Variants in BORCS8 observed in about 807,000 individuals in gnomAD.
BORCS8 encodes BLOC-1 related complex subunit 8.
BORCS8 carries 13 observed loss-of-function variants against 18.7 expected under a neutral mutation model. That is an observed-to-expected ratio of 0.70 (90% CI 0.45 to 1.11). The LOEUF is 1.11. BORCS8 is among the 50% of genes least tolerant of loss of function. The pLI, the probability that BORCS8 is intolerant of heterozygous loss-of-function variation, is 0.00. For missense variants in BORCS8, 165 were observed against 165.7 expected (o/e 1.00, Z 0.02); for synonymous variants, 68 against 64.8 (o/e 1.05, Z -0.24).
In BORCS8 at chr19:19,191,960, G is replaced by A. The variant is rs549499644; in HGVS notation, c.37+121C>T. Reference sequence around the variant, plus strand: ...GGTTTCAAAACTAGTCAGCGGCAGAGCTGGGATTGGACGGCAGTTCAATCA... The same window carrying A: ...GGTTTCAAAACTAGTCAGCGGCAGAACTGGGATTGGACGGCAGTTCAATCA... On this transcript the variant is annotated intron_variant, in intron 1 of 5. Coordinates refer to ENST00000462790, the MANE Select transcript of BORCS8 (RefSeq NM_001145784.2). 1.5e-5 allele frequency: 18 copies of A among 1,204,326 alleles called. No homozygotes were observed. The South Asian group carries it at 2.1e-4, about 14-fold the overall frequency. 74.6% of individuals were successfully genotyped at this position (1,204,326 alleles called of 1,614,324 possible). A position where few individuals can be genotyped will look rare whatever the true frequency, so the allele number is the denominator to read the frequency against.
At chr19:19,179,071 A>G (rs986166263) in intron 5 of BORCS8, 1 of 152,910 alleles carries the variant, frequency 6.5e-6, no homozygotes. Context: ...GACACAGAGC[A>G]ATCCTGCCGG....
At chr19:19,188,318 G>A (rs1364188515) in intron 1 of BORCS8, among the ~76,000 whole-genome samples, 2 of 151,922 alleles carry the variant, frequency 1.3e-5, no homozygotes, top group Non-Finnish European at 2.9e-5. Flanking sequence ...ATGAGCCACC[G>A]CGCCCGGCTC....
intron 3 of BORCS8, among the ~76,000 whole-genome samples, chr19:19,185,137 G>A (rs1306847269): frequency 6.6e-6 from 1 of 152,234 alleles, no homozygotes; most frequent in Non-Finnish European, 1.5e-5. Context: ...GCAGAATACT[G>A]CCCCAGCAGC....
chr19:19,184,762 G>A (rs1409533433), intron 3 of BORCS8, among the ~76,000 whole-genome samples: 1 of 152,012 alleles, frequency 6.6e-6, no homozygotes, highest in Non-Finnish European at 1.5e-5. Flanking sequence ...ACCAGGCTCG[G>A]CTAGTTTTTG....
At chr19:19,180,933 G>A (rs953885645) in intron 4 of BORCS8, among the ~76,000 whole-genome samples, 172 bp from the exon 5 acceptor site, 11 of 152,172 alleles carry the variant, frequency 7.2e-5, no homozygotes, top group Non-Finnish European at 1.0e-4. Flanking sequence ...GGTGGCTCAC[G>A]CCTGTAATCC....
At chr19:19,185,960 T>A in intron 3 of BORCS8, 74 bp downstream of exon 3, 1 of 1,458,106 alleles carries the variant, frequency 6.9e-7, no homozygotes. Flanking sequence ...GGCAGTTGGC[T>A]GGGATGCCCC....
chr19:19,191,464 CCTGGGCGA>C (rs953647167), intron 1 of BORCS8, among the ~76,000 whole-genome samples: 17 of 150,634 alleles, frequency 1.1e-4, no homozygotes, highest in African/African-American at 4.2e-4. Context: ...CGCACCCCAG[CCTGGGCGA>C]CAGTGTGATA....
chr19:19,186,546 G>A (rs66764858), intron 2 of BORCS8, among the ~76,000 whole-genome samples: 21,976 of 152,016 alleles, frequency 0.14, 1,801 homozygotes, highest in East Asian at 0.37. Flanking sequence ...TTTTAATAAG[G>A]GGCCTCCCCC....
At chr19:19,178,653 GA>G in intron 5 of BORCS8, 2 of 152,380 alleles carry the variant, frequency 1.3e-5, no homozygotes, top group Non-Finnish European at 2.9e-5. Flanking sequence ...AGTTTTGGGG[GA>G]AAAGTGGGAA....
intron 1 of BORCS8, among the ~76,000 whole-genome samples, chr19:19,188,495 C>T (rs1295134476): frequency 6.6e-6 from 1 of 152,114 alleles, no homozygotes. Context: ...CCCAAACCCA[C>T]CGGTAGTGGA....
intron 3 of BORCS8, among the ~76,000 whole-genome samples, chr19:19,185,738 C>T (rs1302486595): frequency 3.3e-5 from 5 of 152,254 alleles, no homozygotes; most frequent in African/African-American, 1.2e-4. Context: ...TTCCCCCTGG[C>T]TGCCATCCAC....
At chr19:19,185,936 G>T in intron 3 of BORCS8, 98 bp downstream of exon 3, 3 of 1,250,710 alleles carry the variant, frequency 2.4e-6, no homozygotes, top group Non-Finnish European at 3.4e-6. Flanking sequence ...GGCCTGGCAG[G>T]GTGGGGCTTA....
chr19:19,180,696 G>A lies in BORCS8; in HGVS notation c.*32C>T, dbSNP rs746194728. On this transcript the variant is annotated 3_prime_UTR_variant, in exon 5 of 6. Transcript: ENST00000462790. ...ACCCTCGGCACTGACCTGGGTTGGC[G>A]GAGGCTGGGGGGCCCCGAGTCTCTT... 17 of 1,546,706 alleles carry A rather than the reference G, an allele frequency of 1.1e-5. No homozygotes were observed. Among genetic ancestry groups the A allele is most frequent in the South Asian group, 9.5e-5 (8 of 83,912 alleles).
At chr19:19,183,811 C>A (rs989199837) in intron 3 of BORCS8, among the ~76,000 whole-genome samples, 4 of 150,114 alleles carry the variant, frequency 2.7e-5, no homozygotes, top group Non-Finnish European at 5.9e-5. Flanking sequence ...CTCAGGGGAT[C>A]CTCCTGCCTC....
chr19:19,180,613 G>T, intron 5 of BORCS8, 73 bp downstream of exon 5: 1 of 1,067,098 alleles, frequency 9.4e-7, no homozygotes, highest in Non-Finnish European at 1.4e-6. Context: ...GCAGGTGCCT[G>T]CCTGGCTGCC....
chr19:19,188,405 G>C (rs1396765392), intron 1 of BORCS8, among the ~76,000 whole-genome samples: 1 of 151,888 alleles, frequency 6.6e-6, no homozygotes, highest in Non-Finnish European at 1.5e-5. Context: ...TGATCCTCCT[G>C]CCTCAGCCTC....
intron 1 of BORCS8, among the ~76,000 whole-genome samples, 198 bp from the exon 2 acceptor site, chr19:19,187,203 G>A (rs1249761397): frequency 6.6e-6 from 1 of 152,156 alleles, no homozygotes; most frequent in Non-Finnish European, 1.5e-5. Context: ...GAGACCGGGT[G>A]CGGTGGCTCA....
In BORCS8 at chr19:19,182,153, T is replaced by C. The variant is rs2146414969; in HGVS notation, c.326+420A>G. The C allele has an allele frequency of 1.6e-6, 1 of 638,674 alleles. No homozygotes were observed. Among genetic ancestry groups the C allele is most frequent in the Non-Finnish European group, 2.0e-6 (1 of 511,452 alleles). 39.6% of individuals were successfully genotyped at this position (638,674 alleles called of 1,614,324 possible). A position where few individuals can be genotyped will look rare whatever the true frequency, so the allele number is the denominator to read the frequency against. ...TCCCAGGGATCCCAGCCCCAGAGCG[T>C]CTGCCCTCACCACTGCCCCACATGG... is the stretch of plus-strand genomic sequence containing the variant. On this transcript the variant is annotated intron_variant, in intron 4 of 5. Coordinates refer to ENST00000462790, the MANE Select transcript of BORCS8 (RefSeq NM_001145784.2). The surrounding 1 kb of genome is among the most constrained non-coding windows in gnomAD (Gnocchi z 4.1).
At chr19:19,190,791 AT>A (rs1480672966) in intron 1 of BORCS8, among the ~76,000 whole-genome samples, 1 of 152,146 alleles carries the variant, frequency 6.6e-6, no homozygotes, top group Non-Finnish European at 1.5e-5. Flanking sequence ...TCCGTCTCAA[AT>A]AAAAAAAAAG....
Sources: allele counts gnomAD v4.1 joint callset (sites outside exome capture counted in the v4.1 genomes callset), GRCh38; gene constraint gnomAD v4.1.1; non-coding constraint Gnocchi (gnomAD v3.1); transcripts MANE v1.5; gene names NCBI Gene and HGNC (gene_info 2026-07-23, HGNC 2026-07-21).